CELF3: variants seen among roughly 807,000 people sequenced by gnomAD.
CELF3 encodes CAG repeat domain.
A neutral mutation model predicts 59.6 loss-of-function variants in CELF3; 26 were observed. The ratio of observed to expected loss-of-function variants is 0.44; its 90% CI spans 0.32 to 0.61. The LOEUF is 0.61. Among genes scored for constraint, CELF3 ranks in the 20% least tolerant of loss-of-function variants. The pLI is 0.06. For missense variants in CELF3, 387 were observed against 627.2 expected, an observed-to-expected ratio of 0.62 and a Z score of 4.09; for synonymous variants, 245 against 250.7, an observed-to-expected ratio of 0.98 and a Z score of 0.22.
chr1:151,710,017 G>T (rs1338900992), intron 2 of CELF3: 6 of 565,078 alleles, frequency 1.1e-5, no homozygotes, highest in Middle Eastern at 4.7e-4. Context: ...ACAGCTCCAG[G>T]CTCAGGTTGG....
intron 2 of CELF3, chr1:151,711,045 G>C (rs1444888626): frequency 2.8e-6 from 1 of 360,470 alleles, no homozygotes; most frequent in East Asian, 7.3e-5. Context: ...TGAGGGTGAG[G>C]CTAGAGGTAC....
At chr1:151,710,749 C>G (rs1304465040) in intron 2 of CELF3, 2 of 456,528 alleles carry the variant, frequency 4.4e-6, no homozygotes, top group South Asian at 1.5e-5. Context: ...CCTGCAGTAT[C>G]TCCCTTTGTT....
chr1:151,709,922 G>A lies in CELF3; in HGVS notation c.229-131C>T. 1.2e-6 allele frequency: 1 copy of A among 839,010 alleles called. No individual in the cohort carries two copies. Among genetic ancestry groups the A allele is most frequent in the Middle Eastern group, 2.8e-4 (1 of 3,556 alleles). The allele number at this position is 839,010 out of a possible 1,614,324, so 52.0% of individuals were successfully genotyped here. On this transcript the variant is annotated intron_variant, in intron 2 of 12. Coordinates refer to ENST00000290583, the MANE Select transcript of CELF3 (RefSeq NM_007185.7). The surrounding 1 kb of genome is among the most constrained non-coding windows in gnomAD (Gnocchi z 4.9). ...TCTAAGTTTCTGATGGGAAGGAAGG[G>A]ACAGGGCCTAATACTGTTCAGGATG...
At chr1:151,714,524 A>G (rs1265457125) in intron 2 of CELF3, 70 bp downstream of exon 2, 3 of 1,080,666 alleles carry the variant, frequency 2.8e-6, no homozygotes, top group Middle Eastern at 2.0e-4. Flanking sequence ...CAGTGTCAGG[A>G]GGGTGGTGAG....
Position 151,710,982 on chromosome 1 carries a change from A to G in CELF3, c.229-1191T>C, listed in dbSNP as rs574182179. ...CACACCTGGTTGCCCCACTCATCTG[A>G]TGGTGGGGCAGTAGTTCCAGTGACC... On this transcript the variant is annotated intron_variant, in intron 2 of 12. Transcript: ENST00000290583. 3.4e-4 allele frequency: 131 copies of G among 380,198 alleles called. 3 individuals carry two copies. The highest frequency in any genetic ancestry group is 2.5e-3 in the South Asian group (129 of 50,752). The allele number at this position is 380,198 out of a possible 1,614,324, so 23.6% of individuals were successfully genotyped here. A position where few individuals can be genotyped will look rare whatever the true frequency, so the allele number is the denominator to read the frequency against.
At chr1:151,713,121 C>T (rs1673166489) in intron 2 of CELF3, among the ~76,000 whole-genome samples, 1 of 152,210 alleles carries the variant, frequency 6.6e-6, no homozygotes, top group South Asian at 2.1e-4. Flanking sequence ...GAAGCTGTGT[C>T]AGGTCCCTCT....
rs754065852 is a variant in CELF3, at chr1:151,703,224, C to G, written c.*235G>C. The G allele has an allele frequency of 2.2e-6, 1 of 457,704 alleles. No homozygotes were observed. Among genetic ancestry groups the G allele is most frequent in the Non-Finnish European group, 4.4e-6 (1 of 227,736 alleles). 28.4% of individuals were successfully genotyped at this position (457,704 alleles called of 1,614,324 possible). A position where few individuals can be genotyped will look rare whatever the true frequency, so the allele number is the denominator to read the frequency against. Reference sequence around the variant, plus strand: ...CTGTTCCTCGCTCCCTCACAAAGGCCAAAAGGGCATCTAGGAGGAAATGGG... The same window carrying G: ...CTGTTCCTCGCTCCCTCACAAAGGCGAAAAGGGCATCTAGGAGGAAATGGG... On this transcript the variant is annotated 3_prime_UTR_variant, in exon 13 of 13. Transcript: ENST00000290583.
At chr1:151,715,228 G>A (rs977489971) in intron 1 of CELF3, among the ~76,000 whole-genome samples, 1 of 151,944 alleles carries the variant, frequency 6.6e-6, no homozygotes, top group African/African-American at 2.4e-5. Context: ...CCCGGTGTGT[G>A]GAGCTCTCCA....
At chr1:151,715,652 C>G in intron 1 of CELF3, 1 of 1,508,454 alleles carries the variant, frequency 6.6e-7, no homozygotes, top group Non-Finnish European at 8.9e-7. Flanking sequence ...TTGCAGCCGT[C>G]TTGACAACTC....
At position 151,705,763 on chromosome 1, in the gene CELF3, A is replaced by G. The variant is rs149504358; in HGVS notation, c.1270+59T>C. ...ACTGTGACCATAAATGCCTTCAAAT[A>G]TATTAGACCTTGTCCTGATTTGGAG... On this transcript the variant is annotated intron_variant, in intron 11 of 12. Coordinates refer to ENST00000290583, the MANE Select transcript of CELF3 (RefSeq NM_007185.7). The surrounding 1 kb of genome is among the most constrained non-coding windows in gnomAD (Gnocchi z 5.1). The G allele has an allele frequency of 3.6e-5, 57 of 1,569,748 alleles. No individual in the cohort carries two copies. The African/African-American group carries it at 5.5e-4, about 15-fold the overall frequency.
At chr1:151,708,816 G>A (rs1195338719) in intron 5 of CELF3, among the ~76,000 whole-genome samples, 182 bp downstream of exon 5, 20 of 152,158 alleles carry the variant, frequency 1.3e-4, no homozygotes, top group African/African-American at 4.8e-4. Flanking sequence ...GGAGGAGTGG[G>A]GAGGTGGGGA....
chr1:151,715,803 C>T (rs1673431017), intron 1 of CELF3, 73 bp downstream of exon 1: 3 of 1,595,086 alleles, frequency 1.9e-6, no homozygotes, highest in East Asian at 2.2e-5. Context: ...CCGCTCCACC[C>T]CTCCAGCCTG....
rs1161517747 is a variant in CELF3 at position 151,705,808 on chromosome 1, TATC to T, written c.1270+11_1270+13del. The T allele has an allele frequency of 6.2e-7, 1 of 1,613,254 alleles. No individual in the cohort carries two copies. The highest frequency in any genetic ancestry group is 8.5e-7 in the Non-Finnish European group (1 of 1,179,644). ...TTGGAGTATGGCAAAAAATGTGCCA[TATC>T]ATATTCTTACCAAAACATTTGCTTT... On this transcript the variant is annotated intron_variant, in intron 11 of 12. Coordinates refer to ENST00000290583, the MANE Select transcript of CELF3 (RefSeq NM_007185.7). The surrounding 1 kb of genome is among the most constrained non-coding windows in gnomAD (Gnocchi z 5.1).
At position 151,702,173 on chromosome 1, in the gene CELF3, G is replaced by A. The variant is rs1672122519; in HGVS notation, c.*1286C>T. On this transcript the variant is annotated 3_prime_UTR_variant, in exon 13 of 13. Coordinates refer to ENST00000290583, the MANE Select transcript of CELF3 (RefSeq NM_007185.7). ...ATACAGGGGAGAGCCCCCGACAGGG[G>A]AGATCTCCTTGTGCCGAACTCTGCA... is the stretch of plus-strand genomic sequence containing the variant. Among the ~76,000 whole-genome samples, 2 of 152,212 alleles carry A rather than the reference G, an allele frequency of 1.3e-5. No homozygotes were observed. The highest frequency in any genetic ancestry group is 4.1e-4 in the South Asian group (2 of 4,838).
At position 151,706,000 on chromosome 1, in the gene CELF3, TGACTGGGAGGCACACACCCC is replaced by T; in HGVS notation, c.1127-55_1127-36del. 1 of 1,611,962 alleles carries T rather than the reference TGACTGGGAGGCACACACCCC, an allele frequency of 6.2e-7. No individual in the cohort carries two copies. Among genetic ancestry groups the T allele is most frequent in the South Asian group, 1.1e-5 (1 of 90,866 alleles). Reference sequence around the variant, plus strand: ...GACAGAGACAGAAGAAAGAGCTCAGTGACTGGGAGGCACACACCCCAGAAGCAAATGTCCCAGGGAAAGCA... The same window carrying T: ...GACAGAGACAGAAGAAAGAGCTCAGTAGAAGCAAATGTCCCAGGGAAAGCA... On this transcript the variant is annotated intron_variant, in intron 10 of 12. Coordinates refer to ENST00000290583, the MANE Select transcript of CELF3 (RefSeq NM_007185.7). This position sits in a 1 kb window ranked among gnomAD's most constrained non-coding sequence, Gnocchi z 5.1.
chr1:151,706,213 C>A lies in CELF3; in HGVS notation c.1126+11G>T. The A allele has an allele frequency of 6.2e-7, 1 of 1,611,130 alleles. No individual in the cohort carries two copies. Among genetic ancestry groups the A allele is most frequent in the Non-Finnish European group, 8.5e-7 (1 of 1,179,478 alleles). ...GAGGGCATTCCTGTCTCCCAAGGCC[C>A]CAGCCAGCACCTTCTCTTTGCTGCT... On this transcript the variant is annotated intron_variant, in intron 10 of 12. Coordinates refer to ENST00000290583, the MANE Select transcript of CELF3 (RefSeq NM_007185.7).
chr1:151,712,089 G>A (rs1025195287), intron 2 of CELF3: 1 of 152,386 alleles, frequency 6.6e-6, no homozygotes, highest in Non-Finnish European at 1.5e-5. Flanking sequence ...ACTTCCTGTG[G>A]GGAGCTCAGG....
Position 151,714,574 on chromosome 1 carries a change from C to T in CELF3, c.228+20G>A. On this transcript the variant is annotated intron_variant, in intron 2 of 12. Transcript: ENST00000290583. ...TATGGCCCTTCTCAGTCCCCTGGCCCTGCAAAGGGCAGGACTCACCCCTGG... is the reference window on the plus strand; with the variant it reads ...TATGGCCCTTCTCAGTCCCCTGGCCTTGCAAAGGGCAGGACTCACCCCTGG... 2 of 1,547,422 alleles carry T rather than the reference C, an allele frequency of 1.3e-6. No homozygotes were observed. Among genetic ancestry groups the T allele is most frequent in the Non-Finnish European group, 8.7e-7 (1 of 1,142,876 alleles).
chr1:151,708,930 CTG>C, intron 5 of CELF3, 66 bp downstream of exon 5: 2 of 1,445,868 alleles, frequency 1.4e-6, no homozygotes, highest in Non-Finnish European at 1.9e-6. Context: ...GACTGCTTCT[CTG>C]GGCCAGGGCC....
Sources: allele counts gnomAD v4.1 joint callset (sites outside exome capture counted in the v4.1 genomes callset), GRCh38; gene constraint gnomAD v4.1.1; non-coding constraint Gnocchi (gnomAD v3.1); transcripts MANE v1.5; gene names NCBI Gene and HGNC (gene_info 2026-07-23, HGNC 2026-07-21).